NRXN1: variants seen among roughly 807,000 people sequenced by gnomAD.
The protein encoded by NRXN1 is neurexin 1.
NRXN1 carries 39 observed loss-of-function variants against 150.9 expected under a neutral mutation model. The ratio of observed to expected loss-of-function variants is 0.26; its 90% CI spans 0.20 to 0.34. The LOEUF is 0.34. Among genes scored for constraint, NRXN1 ranks in the 10% least tolerant of loss-of-function variants. NRXN1 has a pLI of 1.00. For synonymous variants in NRXN1, 924 were observed against 757.0 expected, an observed-to-expected ratio of 1.22 and a Z score of -3.62; for missense variants, 1,815 against 1,949.9, an observed-to-expected ratio of 0.93 and a Z score of 1.30.
intron 3 of NRXN1, among the ~76,000 whole-genome samples, chr2:50,923,174 T>C (rs1308468471): frequency 6.6e-6 from 1 of 151,892 alleles, no homozygotes; most frequent in Non-Finnish European, 1.5e-5. Flanking sequence ...AAAAAAATTG[T>C]AGTCACATTG....
intron 5 of NRXN1, among the ~76,000 whole-genome samples, chr2:50,783,722 T>C (rs1190888909): frequency 6.6e-6 from 1 of 152,162 alleles, no homozygotes; most frequent in East Asian, 1.9e-4. Flanking sequence ...TAGTTTATTG[T>C]TCTTCACAGG....
chr2:50,605,548 T>C (rs1016888979), intron 8 of NRXN1, among the ~76,000 whole-genome samples: 2 of 152,064 alleles, frequency 1.3e-5, no homozygotes, highest in Non-Finnish European at 2.9e-5. Flanking sequence ...ACGTCAGTAA[T>C]CACCAGAGAA....
chr2:51,022,769 C>T (rs967214438), intron 2 of NRXN1, among the ~76,000 whole-genome samples: 1 of 152,156 alleles, frequency 6.6e-6, no homozygotes, highest in Non-Finnish European at 1.5e-5. Flanking sequence ...CAAGCACCTA[C>T]AAAATATTTT....
intron 17 of NRXN1, among the ~76,000 whole-genome samples, chr2:50,278,216 C>A (rs1277943778): frequency 2.4e-4 from 19 of 80,100 alleles, no homozygotes; most frequent in Non-Finnish European, 1.1e-4. Flanking sequence ...CCACCCACCA[C>A]CACACCTGGC....
intron 18 of NRXN1, among the ~76,000 whole-genome samples, chr2:50,191,994 G>A (rs1380393760): frequency 6.6e-6 from 1 of 152,032 alleles, no homozygotes; most frequent in Non-Finnish European, 1.5e-5. Context: ...AAAATGTTTG[G>A]AGTAAGAGGG....
chr2:50,234,807 G>A (rs749140428), intron 18 of NRXN1, among the ~76,000 whole-genome samples: 5 of 151,980 alleles, frequency 3.3e-5, no homozygotes, highest in Non-Finnish European at 2.9e-5. Flanking sequence ...GACCAAGATC[G>A]GAGATTCAGA....
chr2:50,901,584 T>C (rs1327246132), intron 5 of NRXN1, among the ~76,000 whole-genome samples: 3 of 152,104 alleles, frequency 2.0e-5, no homozygotes, highest in Non-Finnish European at 4.4e-5. Flanking sequence ...AATTATGCTT[T>C]CAAAGTTCCC....
chr2:50,890,086 T>C (rs994521016), intron 5 of NRXN1, among the ~76,000 whole-genome samples: 12 of 151,854 alleles, frequency 7.9e-5, no homozygotes, highest in African/African-American at 2.9e-4. Flanking sequence ...GGCTTAGTTT[T>C]AACTCAAACA....
chr2:50,287,807 T>A (rs1234581798), intron 17 of NRXN1, among the ~76,000 whole-genome samples: 1 of 152,138 alleles, frequency 6.6e-6, no homozygotes, highest in East Asian at 1.9e-4. Context: ...CACGCTTAAT[T>A]CATTTAAGAG....
At chr2:50,709,146 C>A (rs985448702) in intron 5 of NRXN1, among the ~76,000 whole-genome samples, 1 of 152,094 alleles carries the variant, frequency 6.6e-6, no homozygotes, top group African/African-American at 2.4e-5. Flanking sequence ...CCACAGGCAA[C>A]CACATGAGCT....
At chr2:50,292,922 C>T (rs970883997) in intron 17 of NRXN1, among the ~76,000 whole-genome samples, 1 of 152,084 alleles carries the variant, frequency 6.6e-6, no homozygotes, top group African/African-American at 2.4e-5. Flanking sequence ...AAGTACATTG[C>T]CTGGAATAGA....
At chr2:50,600,566 C>G (rs896463548) in intron 8 of NRXN1, among the ~76,000 whole-genome samples, 6 of 152,072 alleles carry the variant, frequency 3.9e-5, no homozygotes, top group Non-Finnish European at 7.4e-5. Flanking sequence ...CTCAAGTGAT[C>G]CACCTGCCTC....
At chr2:50,451,143 A>AT (rs1323529694) in intron 17 of NRXN1, among the ~76,000 whole-genome samples, 3 of 152,002 alleles carry the variant, frequency 2.0e-5, no homozygotes, top group African/African-American at 2.4e-5. Flanking sequence ...ATATTTTTGC[A>AT]TTTTTTGTAG....
At chr2:50,613,248 C>T (rs1678482731) in intron 8 of NRXN1, among the ~76,000 whole-genome samples, 1 of 152,142 alleles carries the variant, frequency 6.6e-6, no homozygotes, top group South Asian at 2.1e-4. Context: ...AGTCACTAAA[C>T]CAAGACCTTG....
intron 17 of NRXN1, among the ~76,000 whole-genome samples, chr2:50,406,173 C>T (rs1040692065): frequency 1.3e-5 from 2 of 151,958 alleles, no homozygotes; most frequent in Non-Finnish European, 2.9e-5. Flanking sequence ...AATGTTGATA[C>T]CTCTAGGAAT....
chr2:50,399,285 T>C (rs1329888608), intron 17 of NRXN1, among the ~76,000 whole-genome samples: 1 of 152,152 alleles, frequency 6.6e-6, no homozygotes, highest in African/African-American at 2.4e-5. Context: ...CTGTCCCTCA[T>C]ATAAGAATGG....
intron 18 of NRXN1, among the ~76,000 whole-genome samples, chr2:50,168,099 T>G (rs1426657800): frequency 6.6e-6 from 1 of 152,112 alleles, no homozygotes; most frequent in Non-Finnish European, 1.5e-5. Flanking sequence ...TAAATCTTCC[T>G]CTTAATAAGA....
chr2:50,831,588 G>A (rs1465167117), intron 5 of NRXN1, among the ~76,000 whole-genome samples: 1 of 152,184 alleles, frequency 6.6e-6, no homozygotes, highest in South Asian at 2.1e-4. Flanking sequence ...TCTTCAGAGT[G>A]TATAAATATG....
intron 8 of NRXN1, among the ~76,000 whole-genome samples, chr2:50,598,660 A>G (rs894411209): frequency 2.0e-5 from 3 of 147,568 alleles, no homozygotes; most frequent in African/African-American, 7.4e-5. Flanking sequence ...CTATATACAT[A>G]TATATTCATA....
Sources: gnomAD v4.1 joint callset for allele counts (sites outside exome capture counted in the v4.1 genomes callset) on GRCh38, gnomAD v4.1.1 for gene constraint, MANE v1.5 for transcripts, NCBI Gene and HGNC (gene_info 2026-07-23, HGNC 2026-07-21) for gene names.